ADAMTSL1: variants seen among roughly 807,000 people sequenced by gnomAD.
ADAMTSL1 encodes ADAMTS like 1.
In ADAMTSL1, 126 loss-of-function variants were observed where a neutral mutation model predicts 201.8. That is an observed-to-expected ratio of 0.62 (90% CI 0.54 to 0.72). The LOEUF is 0.72. Among genes scored for constraint, ADAMTSL1 ranks in the 30% least tolerant of loss-of-function variants. ADAMTSL1 has a pLI of 0.00. For synonymous variants in ADAMTSL1, 1,121 were observed against 903.4 expected (o/e 1.24, Z -4.32); for missense variants, 2,679 against 2,277.8 (o/e 1.18, Z -3.59).
At chr9:18,514,438 T>C (rs943381458) in intron 2 of ADAMTSL1, among the ~76,000 whole-genome samples, 1 of 148,672 alleles carries the variant, frequency 6.7e-6, no homozygotes, top group African/African-American at 2.5e-5. Context: ...CACGCCATTC[T>C]CCTGCCTCAG....
chr9:18,412,626 T>C (rs1365682286), intron 2 of ADAMTSL1, among the ~76,000 whole-genome samples: 4 of 152,220 alleles, frequency 2.6e-5, no homozygotes, highest in Admixed American at 6.5e-5. Flanking sequence ...GTTGTGGTTT[T>C]GCGTTTTTGC....
intron 2 of ADAMTSL1, among the ~76,000 whole-genome samples, chr9:18,322,077 C>G (rs1166238764): frequency 6.6e-6 from 1 of 151,914 alleles, no homozygotes; most frequent in Non-Finnish European, 1.5e-5. Flanking sequence ...ATAAATACTG[C>G]AAACTAAACT....
At chr9:18,528,699 A>T (rs1819251292) in intron 2 of ADAMTSL1, among the ~76,000 whole-genome samples, 2 of 152,286 alleles carry the variant, frequency 1.3e-5, no homozygotes, top group South Asian at 2.1e-4. Flanking sequence ...ATATTAAAAT[A>T]TATTCTAATA....
chr9:18,615,437 G>A (rs776026931), intron 4 of ADAMTSL1, among the ~76,000 whole-genome samples: 46 of 152,168 alleles, frequency 3.0e-4, no homozygotes, highest in Non-Finnish European at 5.3e-4. Flanking sequence ...ATCCCTGTGC[G>A]TAAGTGTAGC....
rs766964196 is a variant in ADAMTSL1, at chr9:18,574,140, C to G, written c.348C>G (p.Asp116Glu). Residue 116 changes from aspartate (D) to glutamate (E), a missense_variant, in exon 4 of 29, where the codon GAC (aspartate) becomes GAG (glutamate). Transcript: ENST00000380548. ...YEWLPVSNDP[D>E]NPCSLKCQAK... is the part of the protein sequence containing the mutation. ...GGCTTCCTGTGTCTAATGACCCTGA[C>G]AACCCATGTTCACTCAAGTGCCAAG... 76 of 1,614,040 alleles carry G rather than the reference C, an allele frequency of 4.7e-5. 2 individuals carry two copies. The South Asian group carries it at 8.3e-4, about 18-fold the overall frequency.
At chr9:18,365,045 C>G (rs950812747) in intron 2 of ADAMTSL1, among the ~76,000 whole-genome samples, 1 of 152,072 alleles carries the variant, frequency 6.6e-6, no homozygotes, top group Non-Finnish European at 1.5e-5. Flanking sequence ...GTGCCCATAT[C>G]CTATGACCCA....
chr9:18,111,442 A>G (rs1295233030), intron 1 of ADAMTSL1, among the ~76,000 whole-genome samples: 1 of 152,164 alleles, frequency 6.6e-6, no homozygotes. Flanking sequence ...TATGTTTAAT[A>G]TGAGTTATTT....
intron 1 of ADAMTSL1, among the ~76,000 whole-genome samples, chr9:17,935,649 G>A (rs1826975265): frequency 6.6e-6 from 1 of 152,136 alleles, no homozygotes; most frequent in Non-Finnish European, 1.5e-5. Flanking sequence ...AAACGTAGTT[G>A]TTCTTGACTC....
chr9:18,257,932 C>T (rs531342894), intron 2 of ADAMTSL1, among the ~76,000 whole-genome samples: 17 of 151,998 alleles, frequency 1.1e-4, no homozygotes, highest in African/African-American at 2.7e-4. Flanking sequence ...GAGACAGAAA[C>T]GAGAATTGAG....
chr9:18,644,840 A>G (rs1312088509), intron 7 of ADAMTSL1, among the ~76,000 whole-genome samples: 2 of 152,090 alleles, frequency 1.3e-5, no homozygotes, highest in Non-Finnish European at 2.9e-5. Context: ...TAGTGCCACA[A>G]TAAACATACG....
chr9:18,294,787 G>T (rs1348424885), intron 2 of ADAMTSL1, among the ~76,000 whole-genome samples: 5 of 152,166 alleles, frequency 3.3e-5, no homozygotes, highest in Non-Finnish European at 5.9e-5. Flanking sequence ...ATACCCGGTG[G>T]AAGGTGGGTA....
chr9:17,961,586 G>C (rs1041251908), intron 1 of ADAMTSL1, among the ~76,000 whole-genome samples: 56 of 152,232 alleles, frequency 3.7e-4, no homozygotes, highest in African/African-American at 1.3e-3. Flanking sequence ...TGGTGGTGAG[G>C]TACACTTGCC....
At chr9:18,573,881 C>A (rs1330919476) in intron 3 of ADAMTSL1, 149 bp from the exon 4 acceptor site, 2 of 630,022 alleles carry the variant, frequency 3.2e-6, no homozygotes, top group Non-Finnish European at 2.8e-6. Context: ...AATCATATAA[C>A]CTCTAAGATG....
chr9:18,127,253 C>T (rs1564014840), intron 1 of ADAMTSL1, among the ~76,000 whole-genome samples: 1 of 152,082 alleles, frequency 6.6e-6, no homozygotes, highest in East Asian at 1.9e-4. Context: ...CATTTGCCTT[C>T]ATAGCATAGA....
intron 2 of ADAMTSL1, among the ~76,000 whole-genome samples, chr9:18,417,479 C>T (rs1051013529): frequency 6.0e-5 from 9 of 149,638 alleles, no homozygotes; most frequent in African/African-American, 2.0e-4. Context: ...AAGGAAACAA[C>T]TAAATGGATA....
intron 2 of ADAMTSL1, among the ~76,000 whole-genome samples, chr9:18,266,393 A>G (rs1046255997): frequency 2.6e-5 from 4 of 152,186 alleles, no homozygotes; most frequent in Admixed American, 2.6e-4. Flanking sequence ...TCAGTCGGCC[A>G]AGAGAACTGA....
intron 15 of ADAMTSL1, among the ~76,000 whole-genome samples, chr9:18,753,043 T>C (rs1355258664): frequency 6.6e-6 from 1 of 152,206 alleles, no homozygotes. Flanking sequence ...ATAAACATGG[T>C]TGTAACCATT....
chr9:17,990,539 C>T (rs1482471841), intron 1 of ADAMTSL1, among the ~76,000 whole-genome samples: 1 of 151,828 alleles, frequency 6.6e-6, no homozygotes, highest in African/African-American at 2.4e-5. Context: ...ATTTATGTAT[C>T]GAAATATAAG....
intron 23 of ADAMTSL1, among the ~76,000 whole-genome samples, chr9:18,883,671 T>A (rs1828683090): frequency 6.6e-6 from 1 of 152,210 alleles, no homozygotes; most frequent in Admixed American, 6.5e-5. Context: ...TCATACAATA[T>A]TTGTCCTTTT....
Sources: gnomAD v4.1 joint callset for allele counts (sites outside exome capture counted in the v4.1 genomes callset) on GRCh38, gnomAD v4.1.1 for gene constraint, MANE v1.5 for transcripts, NCBI Gene and HGNC (gene_info 2026-07-23, HGNC 2026-07-21) for gene names.